The following TLE4 variants were observed in gnomAD, a reference collection of about 807,000 sequenced individuals.
TLE4 encodes transducin-like enhancer protein 4.
TLE4 carries 8 observed loss-of-function variants against 92.8 expected under a neutral mutation model. The observed-to-expected ratio is 0.09, with a 90% confidence interval of 0.05 to 0.16. TLE4 has a LOEUF of 0.16. Among genes scored for constraint, TLE4 ranks in the 10% least tolerant of loss-of-function variants. The pLI, the probability that TLE4 is intolerant of heterozygous loss-of-function variation, is 1.00. For missense variants in TLE4, 675 were observed against 997.6 expected, an observed-to-expected ratio of 0.68 and a Z score of 4.36; for synonymous variants, 371 against 374.1, an observed-to-expected ratio of 0.99 and a Z score of 0.10.
At chr9:79,598,082 A>AG (rs1300503152) in intron 4 of TLE4, among the ~76,000 whole-genome samples, 1 of 149,210 alleles carries the variant, frequency 6.7e-6, no homozygotes, top group East Asian at 2.0e-4. Context: ...AAAGAAAAAA[A>AG]AAAAAAAAAA....
intron 6 of TLE4, among the ~76,000 whole-genome samples, chr9:79,638,259 G>T (rs755908713): frequency 9.2e-5 from 14 of 152,138 alleles, no homozygotes; most frequent in Non-Finnish European, 2.1e-4. Context: ...TTGCCATTAT[G>T]TTGTGGGGAG....
At position 79,699,389 on chromosome 9, in the gene TLE4, A is replaced by G. The variant is rs144762800; in HGVS notation, c.610-5394A>G. 2.4e-3 allele frequency among the ~76,000 whole-genome samples: 360 copies of G among 152,306 alleles called. 2 individuals carry two copies. Among genetic ancestry groups the G allele is most frequent in the African/African-American group, 8.2e-3 (339 of 41,572 alleles). On this transcript the variant is annotated intron_variant, in intron 8 of 19. Transcript: ENST00000376552. The stretch of plus-strand genomic sequence containing the variant: ...CTCTGATTAATGTTTGAGAATTCCT[A>G]TAGTGACTGAACTATAGTTAAGAGT...
chr9:79,718,927 A>G lies in TLE4; in HGVS notation c.1546A>G (p.Ser516Gly). Residue 516 changes from serine to glycine, a missense_variant, in exon 15 of 20, where the codon AGC becomes GGC. By Grantham distance (56) the Ser-to-Gly change is moderately conservative. Around this residue, in one of 5 missense-constraint regions of TLE4, gnomAD observed 170 missense variants for 359.6 expected, o/e 0.47. Coordinates refer to ENST00000376552, the MANE Select transcript of TLE4 (RefSeq NM_007005.6). The part of the protein sequence containing the change: ...GKGCVKVWDI[S>G]HPGNKSPVSQ... Reference sequence around the variant, plus strand: ...GGGCTGCGTCAAGGTCTGGGACATCAGCCACCCAGGCAATAAGAGTCCTGT... The same window carrying G: ...GGGCTGCGTCAAGGTCTGGGACATCGGCCACCCAGGCAATAAGAGTCCTGT... The G allele has an allele frequency of 1.9e-6, 3 of 1,613,760 alleles. No individual in the cohort carries two copies. The highest frequency in any genetic ancestry group is 2.5e-6 in the Non-Finnish European group (3 of 1,179,678).
In TLE4 at chr9:79,682,902, T is replaced by C. The variant is rs116174007; in HGVS notation, c.610-21881T>C. On this transcript the variant is annotated intron_variant, in intron 8 of 19. Coordinates refer to ENST00000376552, the MANE Select transcript of TLE4 (RefSeq NM_007005.6). ...GATCGTTGTGGTGACAGTCTTCAGG[T>C]TATAAAAAAATGTAGGAATACACTA... is the stretch of plus-strand genomic sequence containing the variant. Among the ~76,000 whole-genome samples, 786 of 152,270 alleles carry C rather than the reference T, an allele frequency of 5.2e-3. 6 individuals are homozygous for C. The highest frequency in any genetic ancestry group is 0.017 in the African/African-American group (722 of 41,556).
At chr9:79,592,256 C>A (rs1266762552) in intron 4 of TLE4, among the ~76,000 whole-genome samples, 1 of 132,904 alleles carries the variant, frequency 7.5e-6, no homozygotes, top group Non-Finnish European at 1.6e-5. Context: ...CTTCTTCTTT[C>A]TTCTTTCTTC....
chr9:79,628,801 G>A (rs541585052), intron 6 of TLE4, among the ~76,000 whole-genome samples: 13 of 151,890 alleles, frequency 8.6e-5, no homozygotes, highest in Middle Eastern at 3.4e-3. Flanking sequence ...ATTGGTTTTC[G>A]TTTCCAAAAA....
intron 14 of TLE4, chr9:79,717,900 C>G (rs149154220): frequency 6.7e-6 from 3 of 445,540 alleles, no homozygotes; most frequent in East Asian, 1.4e-4. Flanking sequence ...ACCTAACATG[C>G]GTCACAACAG....
At chr9:79,717,781 C>T (rs561141661) in intron 14 of TLE4, among the ~76,000 whole-genome samples, 12 of 152,296 alleles carry the variant, frequency 7.9e-5, no homozygotes, top group South Asian at 6.2e-4. Context: ...TCCCAAGCTC[C>T]GTGCCCAAGT....
At chr9:79,572,945 G>C (rs1022510199) in intron 1 of TLE4, 110 bp downstream of exon 1, 4 of 1,206,424 alleles carry the variant, frequency 3.3e-6, no homozygotes, top group Non-Finnish European at 3.4e-6. Flanking sequence ...AGAGCCGCCC[G>C]AAATCGGCGC....
At chr9:79,605,487 A>G (rs2046600193) in intron 4 of TLE4, among the ~76,000 whole-genome samples, 1 of 152,164 alleles carries the variant, frequency 6.6e-6, no homozygotes, top group South Asian at 2.1e-4. Flanking sequence ...AGCCCAGAAT[A>G]TGCATGTAGG....
At chr9:79,675,790 C>T (rs373159514) in intron 8 of TLE4, among the ~76,000 whole-genome samples, 4 of 152,168 alleles carry the variant, frequency 2.6e-5, no homozygotes, top group African/African-American at 9.7e-5. Context: ...GTCTTAGAAT[C>T]TTATACCAGT....
At chr9:79,668,907 A>G (rs1588041857) in intron 8 of TLE4, 1 of 838,336 alleles carries the variant, frequency 1.2e-6, no homozygotes, top group Non-Finnish European at 1.4e-6. Context: ...GCAGATGATA[A>G]TGCTGGCATT....
At chr9:79,648,333 G>A (rs1020831825) in intron 6 of TLE4, among the ~76,000 whole-genome samples, 1 of 152,116 alleles carries the variant, frequency 6.6e-6, no homozygotes, top group African/African-American at 2.4e-5. Context: ...CACAGTCTCT[G>A]GCAAGTCAGG....
chr9:79,593,758 T>G (rs1195103403), intron 4 of TLE4, among the ~76,000 whole-genome samples: 2 of 152,078 alleles, frequency 1.3e-5, no homozygotes, highest in African/African-American at 4.8e-5. Context: ...GTCACCCAAA[T>G]GAAAAAATAC....
chr9:79,723,002 C>T lies in TLE4; in HGVS notation c.2181C>T (p.Ala727=). 1 of 1,614,184 alleles carries T rather than the reference C, an allele frequency of 6.2e-7. No homozygotes were observed. Among genetic ancestry groups the T allele is most frequent in the Non-Finnish European group, 8.5e-7 (1 of 1,180,024 alleles). The part of the protein sequence containing the change: ...VSTGKDNLLN[A]WRTPYGASIF... ...CTGGAAAGGACAACCTTCTGAATGC[C>T]TGGAGAACACCTTATGGGGCCAGTA... The change falls in exon 19 of 20, where the codon GCC becomes GCT. Residue 727 remains alanine, a synonymous_variant. Coordinates refer to ENST00000376552, the MANE Select transcript of TLE4 (RefSeq NM_007005.6).
At chr9:79,631,275 G>A (rs941005489) in intron 6 of TLE4, among the ~76,000 whole-genome samples, 1 of 152,154 alleles carries the variant, frequency 6.6e-6, no homozygotes, top group African/African-American at 2.4e-5. Flanking sequence ...TGATTAAAAT[G>A]TTCATGCTTG....
chr9:79,623,654 T>C (rs1350535513), intron 5 of TLE4, among the ~76,000 whole-genome samples: 2 of 151,988 alleles, frequency 1.3e-5, no homozygotes, highest in East Asian at 3.8e-4. Context: ...TTCAATACTT[T>C]TCAGTAACTT....
At chr9:79,640,693 G>A (rs150052221) in intron 6 of TLE4, among the ~76,000 whole-genome samples, 3 of 152,110 alleles carry the variant, frequency 2.0e-5, no homozygotes, top group Non-Finnish European at 2.9e-5. Flanking sequence ...TTTGCAACCT[G>A]TACTGCCACA....
chr9:79,673,609 A>G (rs2062770639), intron 8 of TLE4, among the ~76,000 whole-genome samples: 2 of 152,184 alleles, frequency 1.3e-5, no homozygotes, highest in African/African-American at 4.8e-5. Context: ...ACTACTCCAA[A>G]TGAAATTCTG....
Sources: allele counts gnomAD v4.1 joint callset (sites outside exome capture counted in the v4.1 genomes callset), GRCh38; gene constraint gnomAD v4.1.1; regional missense constraint gnomAD v4.1.1; transcripts MANE v1.5; gene names NCBI Gene and HGNC (gene_info 2026-07-23, HGNC 2026-07-21).